TENM3: variants seen among roughly 807,000 people sequenced by gnomAD.
TENM3 encodes teneurin transmembrane protein 3.
TENM3 carries 63 observed loss-of-function variants against 255.1 expected under a neutral mutation model. The ratio of observed to expected loss-of-function variants is 0.25; its 90% CI spans 0.20 to 0.30. The LOEUF (loss-of-function observed/expected upper bound fraction) is 0.30. Among genes scored for constraint, TENM3 ranks in the 10% least tolerant of loss-of-function variants. The probability of loss-of-function intolerance (pLI) is 1.00; values close to 1 mark genes in which losing one functional copy is unlikely to be tolerated. For synonymous variants in TENM3, 1,306 were observed against 1,322.3 expected (o/e 0.99, Z 0.27); for missense variants, 2,929 against 3,461.1 (o/e 0.85, Z 3.86).
At chr4:182,309,227 C>T (rs1175199393) in intron 1 of TENM3, among the ~76,000 whole-genome samples, 1 of 152,346 alleles carries the variant, frequency 6.6e-6, no homozygotes, top group East Asian at 1.9e-4. Context: ...GAGACACCTG[C>T]ATTCGCATCG....
At chr4:181,732,247 A>G in the TENM3 span, among the ~76,000 whole-genome samples, 1 of 152,182 alleles carries the variant, frequency 6.6e-6, no homozygotes, top group Non-Finnish European at 1.5e-5. Context: ...AAAGAGGTAC[A>G]TCAACTGACC....
intron 1 of TENM3, chr4:182,190,082 G>C (rs1753417465): frequency 6.6e-6 from 1 of 152,160 alleles, no homozygotes; most frequent in African/African-American, 2.4e-5. Flanking sequence ...TTCCTACACT[G>C]TCTCATTTTC....
At chr4:182,239,031 TTATGTGTG>T (rs1311185503), upstream of TENM3, among the ~76,000 whole-genome samples, 2 of 110,372 alleles carry the variant, frequency 1.8e-5, no homozygotes, top group Admixed American at 9.9e-5. Flanking sequence ...TTAAAAATCT[TTATGTGTG>T]TGTGTGTGTG....
chr4:182,460,320 T>G (rs1032253616), intron 3 of TENM3, among the ~76,000 whole-genome samples: 1 of 152,206 alleles, frequency 6.6e-6, no homozygotes, highest in Non-Finnish European at 1.5e-5. Flanking sequence ...TTAAGACAAT[T>G]TATTTTATAT....
intron 1 of TENM3, among the ~76,000 whole-genome samples, chr4:182,204,512 T>C (rs1056929663): frequency 1.3e-5 from 2 of 152,200 alleles, no homozygotes; most frequent in Admixed American, 6.5e-5. Flanking sequence ...AGAATTTTAT[T>C]AGACACTGTA....
intron 24 of TENM3, among the ~76,000 whole-genome samples, chr4:182,783,162 A>G (rs1386116622): frequency 2.0e-5 from 3 of 152,090 alleles, no homozygotes; most frequent in Admixed American, 6.5e-5. Flanking sequence ...GATGGTCTTT[A>G]CATTTTGGCA....
At chr4:182,340,011 A>T (rs1764385855) in intron 2 of TENM3, among the ~76,000 whole-genome samples, 1 of 152,098 alleles carries the variant, frequency 6.6e-6, no homozygotes, top group African/African-American at 2.4e-5. Flanking sequence ...GACCTAAGAC[A>T]TGCTCTTTCT....
the TENM3 span, among the ~76,000 whole-genome samples, chr4:181,897,367 G>A: frequency 3.3e-5 from 5 of 152,194 alleles, no homozygotes; most frequent in Admixed American, 3.3e-4. Context: ...AGCATGAAAT[G>A]TGTTATTAGT....
intron 1 of TENM3, among the ~76,000 whole-genome samples, chr4:182,177,637 C>T (rs1752581313): frequency 6.7e-6 from 1 of 150,244 alleles, no homozygotes; most frequent in South Asian, 2.1e-4. Context: ...TTGCTCTACC[C>T]TCAAAACTAC....
intron 18 of TENM3, among the ~76,000 whole-genome samples, chr4:182,741,544 G>A (rs1011572612): frequency 6.6e-6 from 1 of 152,140 alleles, no homozygotes; most frequent in Non-Finnish European, 1.5e-5. Context: ...GTTGTAGAGC[G>A]GTAGTCTGAC....
At chr4:182,092,338 A>T in the TENM3 span, among the ~76,000 whole-genome samples, 1 of 152,050 alleles carries the variant, frequency 6.6e-6, no homozygotes, top group Non-Finnish European at 1.5e-5. Context: ...ATAAATAAAT[A>T]AATAAATAAA....
intron 22 of TENM3, among the ~76,000 whole-genome samples, chr4:182,770,105 GAAA>G (rs34469288): frequency 0.024 from 2,194 of 92,754 alleles, 44 homozygotes; most frequent in African/African-American, 0.086. Context: ...GACTTGTCTC[GAAA>G]AAAAAAAAAA....
intron 1 of TENM3, among the ~76,000 whole-genome samples, chr4:182,156,039 T>G: frequency 6.9e-6 from 1 of 145,102 alleles, no homozygotes; most frequent in Non-Finnish European, 1.5e-5. Context: ...TTTGCAAATG[T>G]AATTACAAGT....
chr4:181,537,758 C>T, the TENM3 span, among the ~76,000 whole-genome samples: 2 of 152,216 alleles, frequency 1.3e-5, no homozygotes, highest in African/African-American at 4.8e-5. Context: ...AGAAAATCTG[C>T]TTTCCACCAC....
chr4:182,322,242 GA>G (rs1162820224), intron 1 of TENM3, among the ~76,000 whole-genome samples: 1 of 152,170 alleles, frequency 6.6e-6, no homozygotes, highest in Non-Finnish European at 1.5e-5. Context: ...CAAAGGTAGA[GA>G]AATCAAGATA....
At chr4:181,721,692 A>C in the TENM3 span, among the ~76,000 whole-genome samples, 1 of 151,446 alleles carries the variant, frequency 6.6e-6, no homozygotes, top group South Asian at 2.1e-4. Context: ...TGGAAGTCAA[A>C]CCTAGGTAGG....
chr4:182,425,357 T>C (rs1017327669), intron 3 of TENM3, among the ~76,000 whole-genome samples: 8 of 152,246 alleles, frequency 5.3e-5, no homozygotes, highest in African/African-American at 1.9e-4. Flanking sequence ...ATATCCTAAA[T>C]GCTGAGATCT....
chr4:181,621,553 G>C, the TENM3 span, among the ~76,000 whole-genome samples: 1 of 152,152 alleles, frequency 6.6e-6, no homozygotes, highest in Admixed American at 6.5e-5. Flanking sequence ...TTTACGAATA[G>C]CCTCCTGACA....
At chr4:182,305,271 G>A (rs1253794982) in intron 1 of TENM3, among the ~76,000 whole-genome samples, 1 of 152,132 alleles carries the variant, frequency 6.6e-6, no homozygotes, top group African/African-American at 2.4e-5. Context: ...AGTTCTGAAG[G>A]CCAGCAAGTA....
Sources: gnomAD v4.1 joint callset for allele counts (sites outside exome capture counted in the v4.1 genomes callset) on GRCh38, gnomAD v4.1.1 for gene constraint, MANE v1.5 for transcripts, NCBI Gene and HGNC (gene_info 2026-07-23, HGNC 2026-07-21) for gene names.